The following PPP1R12A variants were observed in gnomAD, a reference collection of about 807,000 sequenced individuals.
The protein encoded by PPP1R12A is protein phosphatase 1 regulatory subunit 12A.
In PPP1R12A, 19 loss-of-function variants were observed where a neutral mutation model predicts 139.6. The observed-to-expected ratio is 0.14, with a 90% CI of 0.09 to 0.20. PPP1R12A has a LOEUF of 0.20. Among genes scored for constraint, PPP1R12A ranks in the 10% least tolerant of loss-of-function variants. The pLI is 1.00. For synonymous variants in PPP1R12A, 427 were observed against 420.6 expected, an observed-to-expected ratio of 1.02 and a Z score of -0.19; for missense variants, 925 against 1,211.5, an observed-to-expected ratio of 0.76 and a Z score of 3.51.
intron 2 of PPP1R12A, among the ~76,000 whole-genome samples, chr12:79,867,632 C>T (rs1464009461): frequency 1.3e-5 from 2 of 152,038 alleles, no homozygotes; most frequent in Admixed American, 6.6e-5. Flanking sequence ...TTCTGTCTCC[C>T]CTATAAAAAT....
intron 3 of PPP1R12A, among the ~76,000 whole-genome samples, chr12:79,843,531 A>G (rs1342370085): frequency 6.6e-6 from 1 of 151,832 alleles, no homozygotes; most frequent in Non-Finnish European, 1.5e-5. Context: ...GTGAACCCAG[A>G]CTGCAAAGGT....
Position 79,921,196 on chromosome 12 carries a change from T to G in PPP1R12A, c.237+13499A>C, listed in dbSNP as rs116768750. ...AGGTGTGTGCATGGTAGAGGAGATG[T>G]ACTGTATGCAAGTGAGGAGAAAACA... is the stretch of plus-strand genomic sequence containing the variant. On this transcript the variant is annotated intron_variant, in intron 1 of 24. Coordinates refer to ENST00000450142, the MANE Select transcript of PPP1R12A (RefSeq NM_002480.3). Among the ~76,000 whole-genome samples, 825 of 152,276 alleles carry G rather than the reference T, an allele frequency of 5.4e-3. 5 individuals are homozygous for G. Among genetic ancestry groups the G allele is most frequent in the African/African-American group, 0.019 (784 of 41,552 alleles).
Position 79,826,544 on chromosome 12 carries a change from C to T in PPP1R12A, c.792+1776G>A, listed in dbSNP as rs116236364. On this transcript the variant is annotated intron_variant, in intron 5 of 24. Coordinates refer to ENST00000450142, the MANE Select transcript of PPP1R12A (RefSeq NM_002480.3). The stretch of plus-strand genomic sequence containing the variant: ...ATCACATAAAGATCTACTGAAATAT[C>T]GAATGACAGATAAGGAGTAAATAAA... 5.2e-3 allele frequency among the ~76,000 whole-genome samples: 790 copies of T among 151,690 alleles called. 5 individuals carry two copies. Among genetic ancestry groups the T allele is most frequent in the African/African-American group, 0.018 (749 of 41,372 alleles).
Position 79,775,741 on chromosome 12 carries a change from CCAA to C in PPP1R12A, c.*185_*187del, listed in dbSNP as rs1218879859. The C allele has an allele frequency of 7.3e-5, 28 of 383,766 alleles. No homozygotes were observed. The highest frequency in any genetic ancestry group is 1.2e-4 in the Non-Finnish European group (25 of 216,406). The allele number at this position is 383,766 out of a possible 1,614,324, so 23.8% of individuals were successfully genotyped here. ...TTAAAAAAAAAAAACAAAAAACAAA[CCAA>C]CAACAACAAAAACACCCCAGAAAAT... On this transcript the variant is annotated 3_prime_UTR_variant, in exon 25 of 25. Coordinates refer to ENST00000450142, the MANE Select transcript of PPP1R12A (RefSeq NM_002480.3).
chr12:79,842,796 C>G (rs537194756), intron 3 of PPP1R12A, among the ~76,000 whole-genome samples: 1 of 152,006 alleles, frequency 6.6e-6, no homozygotes, highest in Non-Finnish European at 1.5e-5. Flanking sequence ...CTGGAACACA[C>G]GAGCTAAAGC....
intron 20 of PPP1R12A, 22 bp from the exon 21 acceptor site, chr12:79,788,805 A>T: frequency 6.4e-7 from 1 of 1,553,010 alleles, no homozygotes; most frequent in Non-Finnish European, 8.7e-7. Flanking sequence ...TAATTTAAAT[A>T]AAAAACCTTG....
chr12:79,796,083 C>G (rs1387996691), intron 17 of PPP1R12A, among the ~76,000 whole-genome samples: 1 of 152,002 alleles, frequency 6.6e-6, no homozygotes, highest in Non-Finnish European at 1.5e-5. Flanking sequence ...TCTCAATGAT[C>G]AACATGAGAA....
intron 24 of PPP1R12A, 108 bp downstream of exon 24, chr12:79,778,442 T>G: frequency 1.4e-6 from 1 of 728,122 alleles, no homozygotes; most frequent in East Asian, 2.9e-5. Flanking sequence ...AGTTCACAAA[T>G]TGGGTAATCA....
intron 5 of PPP1R12A, among the ~76,000 whole-genome samples, chr12:79,827,142 T>C (rs1876887683): frequency 6.6e-6 from 1 of 152,168 alleles, no homozygotes; most frequent in Non-Finnish European, 1.5e-5. Flanking sequence ...ACAACTATTA[T>C]GATGAAAAAC....
chr12:79,886,377 G>T (rs1884105694), intron 1 of PPP1R12A, among the ~76,000 whole-genome samples: 1 of 152,138 alleles, frequency 6.6e-6, no homozygotes, highest in African/African-American at 2.4e-5. Context: ...GTCCAGCATT[G>T]CATTTAAATT....
chr12:79,778,532 GT>G lies in PPP1R12A; in HGVS notation c.3006+17del. On this transcript the variant is annotated intron_variant, in intron 24 of 24. Transcript: ENST00000450142. Reference sequence around the variant, plus strand: ...ACATAAACAGCACTCTCTCTCATAAGTAACATAGTTTACTTACTTTGAGCTC... The same window carrying G: ...ACATAAACAGCACTCTCTCTCATAAGAACATAGTTTACTTACTTTGAGCTC... The G allele has an allele frequency of 6.7e-7, 1 of 1,483,186 alleles. No homozygotes were observed. The highest frequency in any genetic ancestry group is 9.1e-7 in the Non-Finnish European group (1 of 1,096,046). The allele number at this position is 1,483,186 out of a possible 1,614,324, so 91.9% of individuals were successfully genotyped here.
upstream of PPP1R12A, chr12:79,935,151 G>T (rs905681217): frequency 3.3e-5 from 44 of 1,347,300 alleles, no homozygotes; most frequent in Non-Finnish European, 3.9e-5. Flanking sequence ...AAGCCCTCCC[G>T]CCCCCAGCAC....
chr12:79,833,172 G>A (rs1267250527), intron 3 of PPP1R12A, among the ~76,000 whole-genome samples: 1 of 152,132 alleles, frequency 6.6e-6, no homozygotes, highest in Non-Finnish European at 1.5e-5. Context: ...TTGGGAGGCT[G>A]ATGTGGAAGG....
intron 1 of PPP1R12A, among the ~76,000 whole-genome samples, chr12:79,906,305 C>T (rs1016608229): frequency 2.6e-5 from 4 of 151,612 alleles, no homozygotes; most frequent in Non-Finnish European, 4.4e-5. Flanking sequence ...ATGTTTTTAA[C>T]CCACAAATAT....
intron 1 of PPP1R12A, among the ~76,000 whole-genome samples, chr12:79,923,275 A>G (rs984805070): frequency 1.3e-5 from 2 of 152,210 alleles, no homozygotes; most frequent in Admixed American, 6.5e-5. Context: ...CTTCGTCTCA[A>G]AAAAATAAAT....
intron 9 of PPP1R12A, among the ~76,000 whole-genome samples, chr12:79,812,443 G>A (rs879884341): frequency 7.0e-6 from 1 of 142,742 alleles, no homozygotes; most frequent in Non-Finnish European, 1.5e-5. Context: ...TACAGGCTGT[G>A]TGTGTTTGTG....
At chr12:79,832,206 G>A in intron 4 of PPP1R12A, 126 bp downstream of exon 4, 1 of 840,048 alleles carries the variant, frequency 1.2e-6, no homozygotes, top group Non-Finnish European at 1.7e-6. Context: ...CTTTCTTCCT[G>A]AAAACAGGCA....
At chr12:79,788,587 G>T in intron 21 of PPP1R12A, 61 bp downstream of exon 21, 1 of 1,401,874 alleles carries the variant, frequency 7.1e-7, no homozygotes. Flanking sequence ...AATAATATTT[G>T]AATGAGTATC....
At chr12:79,828,024 A>G (rs1369187315) in intron 5 of PPP1R12A, 1 of 182,026 alleles carries the variant, frequency 5.5e-6, no homozygotes, top group Admixed American at 6.2e-5. Flanking sequence ...TGAATTCCTA[A>G]GAACATAGTA....
Sources: gnomAD v4.1 joint callset for allele counts (sites outside exome capture counted in the v4.1 genomes callset) on GRCh38, gnomAD v4.1.1 for gene constraint, MANE v1.5 for transcripts, NCBI Gene and HGNC (gene_info 2026-07-23, HGNC 2026-07-21) for gene names.